MEF2B: variants seen among roughly 807,000 people sequenced by gnomAD.
The protein encoded by MEF2B is myocyte-specific enhancer factor 2B.
A neutral mutation model predicts 32.2 loss-of-function variants in MEF2B; 15 were observed. That is an observed-to-expected ratio of 0.47 (90% CI 0.31 to 0.72). The LOEUF is 0.72. Among genes scored for constraint, MEF2B ranks in the 30% least tolerant of loss-of-function variants. The probability of loss-of-function intolerance (pLI) is 0.05; values close to 1 mark genes in which losing one functional copy is unlikely to be tolerated. For synonymous variants in MEF2B, 205 were observed against 225.6 expected (o/e 0.91, Z 0.82); for missense variants, 441 against 511.5 (o/e 0.86, Z 1.33).
chr19:19,154,230 C>A (rs1283984312), intron 1 of MEF2B, among the ~76,000 whole-genome samples: 3 of 152,044 alleles, frequency 2.0e-5, no homozygotes, highest in East Asian at 3.9e-4. Flanking sequence ...GTGGCGTGAT[C>A]GCGGCTTACT....
intron 1 of MEF2B, among the ~76,000 whole-genome samples, chr19:19,152,442 A>C (rs1248517480): frequency 6.6e-6 from 1 of 151,734 alleles, no homozygotes; most frequent in Non-Finnish European, 1.5e-5. Flanking sequence ...GTGGTAGCTC[A>C]TGCCTGTAAT....
chr19:19,156,499 A>C (rs2060121402), intron 1 of MEF2B, among the ~76,000 whole-genome samples: 1 of 152,192 alleles, frequency 6.6e-6, no homozygotes, highest in Non-Finnish European at 1.5e-5. Flanking sequence ...TGTCTCTAAA[A>C]AAGAATAATA....
At chr19:19,163,770 C>G (rs1260171237) in intron 1 of MEF2B, among the ~76,000 whole-genome samples, 4 of 152,148 alleles carry the variant, frequency 2.6e-5, no homozygotes, top group African/African-American at 9.7e-5. Flanking sequence ...TCTCTTGCCT[C>G]AGCCTCCCGA....
chr19:19,149,454 G>A, intron 2 of MEF2B, 25 bp from the exon 3 acceptor site: 1 of 1,613,592 alleles, frequency 6.2e-7, no homozygotes, highest in Non-Finnish European at 8.5e-7. Flanking sequence ...CACAGGGGCA[G>A]GGGAGAGAAG....
chr19:19,147,895 T>G, intron 3 of MEF2B, 63 bp from the exon 4 acceptor site: 2 of 1,564,866 alleles, frequency 1.3e-6, no homozygotes, highest in South Asian at 2.3e-5. Context: ...AACCCAGTTC[T>G]ATGGGAGAGG....
At chr19:19,149,109 C>T (rs961391573) in intron 3 of MEF2B, 117 bp downstream of exon 3, 183 of 1,325,706 alleles carry the variant, frequency 1.4e-4, no homozygotes, top group Non-Finnish European at 1.8e-4. Flanking sequence ...AAATAAAGCA[C>T]GTCAGCCACA....
intron 3 of MEF2B, 153 bp downstream of exon 3, chr19:19,149,073 T>TCCA: frequency 4.3e-6 from 4 of 940,264 alleles, no homozygotes; most frequent in Non-Finnish European, 6.3e-6. Flanking sequence ...TTTGGATGAG[T>TCCA]GGAGGGTCCC....
At chr19:19,153,580 C>T (rs975212301) in intron 1 of MEF2B, among the ~76,000 whole-genome samples, 3 of 152,008 alleles carry the variant, frequency 2.0e-5, no homozygotes, top group African/African-American at 4.8e-5. Context: ...TTTCAGCCTC[C>T]CAAGTAGCTG....
rs373016163 is a variant in MEF2B at position 19,153,771 on chromosome 19, G to C, written c.-29-3007C>G. On this transcript the variant is annotated intron_variant, in intron 1 of 8. Transcript: ENST00000424583. ...CACGCCTGGCCATATTTATTTTTTT[G>C]AGACAGTCTTGCTCTGTTGCCCAGG... 6.8e-4 allele frequency among the ~76,000 whole-genome samples: 103 copies of C among 151,764 alleles called. 1 individual carries two copies. Among genetic ancestry groups the C allele is most frequent in the African/African-American group, 2.4e-3 (100 of 41,414 alleles).
At chr19:19,148,643 A>C (rs1476898986) in intron 3 of MEF2B, among the ~76,000 whole-genome samples, 3 of 151,904 alleles carry the variant, frequency 2.0e-5, no homozygotes, top group Non-Finnish European at 4.4e-5. Flanking sequence ...TGCAGCCCTT[A>C]GGCTTTAGCT....
Position 19,149,370 on chromosome 19 carries a change from G to A in MEF2B, c.114C>T (p.Leu38=), listed in dbSNP as rs762377477. 6 of 1,613,920 alleles carry A rather than the reference G, an allele frequency of 3.7e-6. No individual in the cohort carries two copies. In the Admixed American group the frequency reaches 1.0e-4, roughly 27 times the overall value. The change falls in exon 3 of 9, where the codon CTC becomes CTT. Residue 38 remains leucine, a synonymous_variant. Transcript: ENST00000424583. ...TGATGAGGGCTATCTCACAGTCACA[G>A]AGCACGCTCAGCTCATAGGCCTTCT... ...LMKKAYELSV[L]CDCEIALIIF...
chr19:19,152,774 G>A (rs1419014794), intron 1 of MEF2B, among the ~76,000 whole-genome samples: 2 of 152,182 alleles, frequency 1.3e-5, no homozygotes, highest in African/African-American at 2.4e-5. Flanking sequence ...CTGCCCAAGC[G>A]GTCTGGGCAA....
intron 1 of MEF2B, among the ~76,000 whole-genome samples, chr19:19,152,481 G>A (rs1306739029): frequency 6.6e-6 from 1 of 152,062 alleles, no homozygotes; most frequent in Middle Eastern, 3.2e-3. Flanking sequence ...TGAGGTGGGT[G>A]GATCACGAGG....
Position 19,149,326 on chromosome 19 carries a change from C to T in MEF2B, c.158G>A (p.Arg53His), listed in dbSNP as rs373149280. ...GTCCGTGCTGGCATACTGGAAGAGG[C>T]GGTTGGCGCTGTTGAAGATGATGAG... is the stretch of plus-strand genomic sequence containing the variant. Reference protein sequence around the residue: ...IALIIFNSANRLFQYASTDMD... With the variant: ...IALIIFNSANHLFQYASTDMD... The change falls in exon 3 of 9, where the codon CGC (arginine) becomes CAC (histidine). Residue 53 changes from arginine (R) to histidine (H), a missense_variant. Around this residue, in one of 2 missense-constraint regions of MEF2B, gnomAD observed 115 missense variants for 183.1 expected, o/e 0.63. Transcript: ENST00000424583. 4.1e-5 allele frequency: 66 copies of T among 1,613,766 alleles called. No individual in the cohort carries two copies. Among genetic ancestry groups the T allele is most frequent in the Non-Finnish European group, 5.3e-5 (62 of 1,180,006 alleles).
intron 1 of MEF2B, among the ~76,000 whole-genome samples, chr19:19,162,429 G>A: frequency 6.6e-6 from 1 of 152,284 alleles, no homozygotes; most frequent in East Asian, 1.9e-4. Flanking sequence ...CACCACACAG[G>A]CCTGGCTGCC....
chr19:19,156,107 C>G (rs2060118547), intron 1 of MEF2B, among the ~76,000 whole-genome samples: 1 of 152,226 alleles, frequency 6.6e-6, no homozygotes. Flanking sequence ...GAGTCCAGTA[C>G]CTTCCTACTC....
At position 19,145,949 on chromosome 19, in the gene MEF2B, T is replaced by C; in HGVS notation, c.955A>G (p.Lys319Glu). The change falls in exon 9 of 9, where the codon AAG (lysine) becomes GAG (glutamate). Residue 319 changes from lysine to glutamate, a missense_variant. Transcript: ENST00000424583. The surrounding 1 kb of genome is among the most constrained non-coding windows in gnomAD (Gnocchi z 4.6). ...GGGGCCGGAGAGAGGCGCTCAGACT[T>C]GATGCTGACTGGGGGGGTCGGCGGG... ...ASPPTPPVSI[K>E]SERLSPAPGG... 5 of 1,438,842 alleles carry C rather than the reference T, an allele frequency of 3.5e-6. No individual in the cohort carries two copies. Among genetic ancestry groups the C allele is most frequent in the Non-Finnish European group, 4.6e-6 (5 of 1,097,660 alleles). The allele number at this position is 1,438,842 out of a possible 1,614,324, so 89.1% of individuals were successfully genotyped here.
At chr19:19,163,121 A>G (rs1302345453) in intron 1 of MEF2B, among the ~76,000 whole-genome samples, 1 of 152,196 alleles carries the variant, frequency 6.6e-6, no homozygotes, top group Non-Finnish European at 1.5e-5. Flanking sequence ...AGACCTGCAG[A>G]AAACGCTCTT....
At chr19:19,166,200 C>G (rs1446406083) in intron 1 of MEF2B, among the ~76,000 whole-genome samples, 2 of 152,198 alleles carry the variant, frequency 1.3e-5, no homozygotes, top group Non-Finnish European at 2.9e-5. Context: ...CGTGGCACCT[C>G]AATCTCACCA....
Sources: allele counts gnomAD v4.1 joint callset (sites outside exome capture counted in the v4.1 genomes callset), GRCh38; gene constraint gnomAD v4.1.1; regional missense constraint gnomAD v4.1.1; non-coding constraint Gnocchi (gnomAD v3.1); transcripts MANE v1.5; gene names NCBI Gene and HGNC (gene_info 2026-07-23, HGNC 2026-07-21).